The following PRKX variants were observed in gnomAD, a reference collection of about 807,000 sequenced individuals.
PRKX encodes protein kinase cAMP-dependent X-linked catalytic subunit, also known as cAMP-dependent protein kinase catalytic subunit PRKX.
In PRKX, 12 loss-of-function variants were observed where a neutral mutation model predicts 22.0. That is an observed-to-expected ratio of 0.54 (90% CI 0.35 to 0.88). The LOEUF (loss-of-function observed/expected upper bound fraction) is 0.88. Ranked by LOEUF, PRKX falls within the 40% of genes least tolerant of loss-of-function variation. PRKX has a pLI of 0.01. For missense variants in PRKX, 217 were observed against 308.0 expected (o/e 0.70, Z 2.21); for synonymous variants, 134 against 137.7 (o/e 0.97, Z 0.19).
At chrX:3,708,014 G>C (rs780272586) in intron 1 of PRKX, among the ~76,000 whole-genome samples, 3 of 112,068 alleles carry the variant, frequency 2.7e-5, no homozygotes, top group Non-Finnish European at 3.8e-5. Context: ...AGACAGGGTG[G>C]GGATGCCGTG....
rs765493123 is a variant in PRKX at position 3,657,689 on chromosome X, C to T, written c.336-2277G>A. 2.1e-4 allele frequency among the ~76,000 whole-genome samples: 23 copies of T among 111,501 alleles called. 1 individual carries two copies. Among genetic ancestry groups the T allele is most frequent in the Non-Finnish European group, 4.3e-4 (23 of 53,179 alleles). ...TCCCAAACCTGCTAGGAAAAGGTAG[C>T]CCTTTTAAAAAGCCCCAAATGAAGT... On this transcript the variant is annotated intron_variant, in intron 2 of 8. Coordinates refer to ENST00000262848, the MANE Select transcript of PRKX (RefSeq NM_005044.5).
At chrX:3,710,414 C>T (rs188876654) in intron 1 of PRKX, among the ~76,000 whole-genome samples, 5 of 112,275 alleles carry the variant, frequency 4.5e-5, no homozygotes, top group South Asian at 7.4e-4. Flanking sequence ...CTCTGTCGCC[C>T]AGGCTGGAGC....
At chrX:3,634,112 C>T (rs1233584879) in intron 4 of PRKX, among the ~76,000 whole-genome samples, 2 of 107,948 alleles carry the variant, frequency 1.9e-5, no homozygotes, top group African/African-American at 6.7e-5. Context: ...TAGCCAGGCA[C>T]GGTGGCACGC....
intron 1 of PRKX, among the ~76,000 whole-genome samples, chrX:3,686,435 C>T (rs1928180467): frequency 9.4e-6 from 1 of 106,885 alleles, no homozygotes; most frequent in South Asian, 4.2e-4. Context: ...TGGGGTCTCA[C>T]TCTGTTGCCC....
intron 7 of PRKX, among the ~76,000 whole-genome samples, chrX:3,613,432 A>G (rs1051511153): frequency 9.0e-6 from 1 of 110,579 alleles, no homozygotes; most frequent in African/African-American, 3.3e-5. Context: ...ACTTGGCAAT[A>G]TATCTGTTTT....
intron 3 of PRKX, among the ~76,000 whole-genome samples, chrX:3,647,064 T>TAG (rs1927203334): frequency 9.0e-6 from 1 of 111,281 alleles, no homozygotes; most frequent in Non-Finnish European, 1.9e-5. Flanking sequence ...GGAAAAGGTC[T>TAG]AAAGTAACTA....
At chrX:3,618,415 C>T (rs1180251471) in intron 6 of PRKX, among the ~76,000 whole-genome samples, 5 of 111,020 alleles carry the variant, frequency 4.5e-5, no homozygotes, top group Middle Eastern at 4.6e-3. Context: ...CTCAGGAGCT[C>T]GAGACCAGCC....
At chrX:3,627,700 G>C (rs1318874068) in intron 4 of PRKX, among the ~76,000 whole-genome samples, 1 of 110,675 alleles carries the variant, frequency 9.0e-6, no homozygotes, top group Non-Finnish European at 1.9e-5. Context: ...CTGGGCTCAA[G>C]TGATCCACCC....
intron 1 of PRKX, among the ~76,000 whole-genome samples, chrX:3,709,778 A>G (rs1928751622): frequency 9.0e-6 from 1 of 111,179 alleles, no homozygotes; most frequent in African/African-American, 3.3e-5. Flanking sequence ...TTTCATTTCC[A>G]TAATATCATT....
intron 1 of PRKX, among the ~76,000 whole-genome samples, chrX:3,700,726 G>C (rs925974332): frequency 3.9e-5 from 4 of 103,109 alleles, no homozygotes; most frequent in Non-Finnish European, 7.9e-5. Flanking sequence ...CTACAGGCAC[G>C]TGCCACCACG....
At chrX:3,713,051 GC>G in intron 1 of PRKX, 36 bp downstream of exon 1, 1 of 1,135,910 alleles carries the variant, frequency 8.8e-7, no homozygotes. Context: ...CACGCCGCGC[GC>G]CCCTGTGGGC....
At chrX:3,695,472 G>A (rs978029672) in intron 1 of PRKX, among the ~76,000 whole-genome samples, 1 of 111,484 alleles carries the variant, frequency 9.0e-6, no homozygotes, top group Non-Finnish European at 1.9e-5. Context: ...GAGTGCAGTG[G>A]CGCAATCTTA....
chrX:3,651,481 T>TA (rs1927333584), intron 3 of PRKX, among the ~76,000 whole-genome samples: 1 of 112,341 alleles, frequency 8.9e-6, no homozygotes, highest in Non-Finnish European at 1.9e-5. Flanking sequence ...ATCAATATTT[T>TA]AAAAAATCCT....
chrX:3,678,295 T>A (rs1341239948), intron 1 of PRKX, among the ~76,000 whole-genome samples: 1 of 112,291 alleles, frequency 8.9e-6, no homozygotes, highest in African/African-American at 3.2e-5. Context: ...GCAATGAATA[T>A]GGTCCTTGAC....
rs1409428013 is a variant in PRKX at position 3,605,501 on chromosome X, T to C, written c.*3468A>G. 23 of 112,803 alleles carry C rather than the reference T, an allele frequency of 2.0e-4. No homozygotes were observed. The highest frequency in any genetic ancestry group is 7.4e-4 in the African/African-American group (23 of 30,964). The allele number at this position is 112,803 out of a possible 1,213,427, so 9.3% of individuals were successfully genotyped here. A position where few individuals can be genotyped will look rare whatever the true frequency, so the allele number is the denominator to read the frequency against. ...TGGGGTCTTTAACAGTATTAAGCCA[T>C]AGTTTCACAGTTACAATGGTCCAAA... is the stretch of plus-strand genomic sequence containing the variant. On this transcript the variant is annotated 3_prime_UTR_variant, in exon 9 of 9. Coordinates refer to ENST00000262848, the MANE Select transcript of PRKX (RefSeq NM_005044.5).
intron 2 of PRKX, among the ~76,000 whole-genome samples, chrX:3,666,913 A>T (rs867706630): frequency 1.8e-4 from 16 of 89,760 alleles, no homozygotes; most frequent in East Asian, 4.3e-4. Flanking sequence ...ATTTCTTTTA[A>T]AAAAAAAAAA....
chrX:3,613,694 A>C (rs1446110245), intron 7 of PRKX, among the ~76,000 whole-genome samples: 2 of 106,167 alleles, frequency 1.9e-5, no homozygotes, highest in Non-Finnish European at 3.9e-5. Flanking sequence ...AAAACACACA[A>C]AAAAATTAGC....
intron 1 of PRKX, among the ~76,000 whole-genome samples, chrX:3,675,319 A>C (rs1927930447): frequency 9.0e-6 from 1 of 111,053 alleles, no homozygotes; most frequent in African/African-American, 3.3e-5. Context: ...GAAGTGCTAT[A>C]TAGGTGCCCA....
intron 4 of PRKX, among the ~76,000 whole-genome samples, chrX:3,630,638 A>G (rs1437192198): frequency 1.8e-5 from 2 of 112,058 alleles, no homozygotes; most frequent in Non-Finnish European, 3.8e-5. Flanking sequence ...GAAACTTACA[A>G]TCATGGTGGA....
Sources: gnomAD v4.1 joint callset for allele counts (sites outside exome capture counted in the v4.1 genomes callset) on GRCh38, gnomAD v4.1.1 for gene constraint, MANE v1.5 for transcripts, NCBI Gene and HGNC (gene_info 2026-07-23, HGNC 2026-07-21) for gene names.